Variants in NEGR1 observed in about 807,000 individuals in gnomAD.
NEGR1 encodes IgLON family member 4.
NEGR1 carries 10 observed loss-of-function variants against 40.9 expected under a neutral mutation model. The ratio of observed to expected loss-of-function variants is 0.24; its 90% confidence interval spans 0.15 to 0.42. NEGR1 has a LOEUF of 0.42. Ranked by LOEUF, NEGR1 falls within the 10% of genes least tolerant of loss-of-function variation. The pLI, the probability that NEGR1 is intolerant of heterozygous loss-of-function variation, is 1.00. For synonymous variants in NEGR1, 185 were observed against 166.8 expected (o/e 1.11, Z -0.84); for missense variants, 352 against 438.9 (o/e 0.80, Z 1.77).
intron 6 of NEGR1, among the ~76,000 whole-genome samples, chr1:71,551,101 G>A (rs533860384): frequency 1.9e-4 from 29 of 151,454 alleles, no homozygotes; most frequent in African/African-American, 6.3e-4. Flanking sequence ...ATATTCCATC[G>A]GGATTGCCAG....
At chr1:72,143,636 C>T (rs976188233) in intron 1 of NEGR1, among the ~76,000 whole-genome samples, 14 of 151,072 alleles carry the variant, frequency 9.3e-5, no homozygotes, top group South Asian at 6.2e-4. Context: ...GCAGTTGGTG[C>T]ATCTCATGAT....
chr1:71,958,926 G>A (rs974635040), intron 1 of NEGR1, among the ~76,000 whole-genome samples: 1 of 147,500 alleles, frequency 6.8e-6, no homozygotes, highest in Non-Finnish European at 1.5e-5. Context: ...CTGCACTCCA[G>A]CCTGGGCAAG....
At chr1:71,671,893 C>CTTTTTT (rs10708807) in intron 4 of NEGR1, among the ~76,000 whole-genome samples, 4 of 121,586 alleles carry the variant, frequency 3.3e-5, no homozygotes, top group African/African-American at 2.9e-5. Context: ...CTCTCTCTCT[C>CTTTTTT]TTTTTTTTTT....
rs139951660 is a variant in NEGR1, at chr1:71,938,134, GA to G, written c.177-2824del. Among the ~76,000 whole-genome samples, 101 of 150,760 alleles carry G rather than the reference GA, an allele frequency of 6.7e-4. 1 individual carries two copies. Among genetic ancestry groups the G allele is most frequent in the African/African-American group, 1.9e-3 (78 of 41,206 alleles). On this transcript the variant is annotated intron_variant, in intron 1 of 6. Transcript: ENST00000357731. ...TAGTAATACTCTTGAATGACAATCA[GA>G]AAAAAAAATATTTTCCTTTTGGAAA...
intron 4 of NEGR1, among the ~76,000 whole-genome samples, chr1:71,676,643 T>C (rs1652646718): frequency 6.6e-6 from 1 of 152,218 alleles, no homozygotes; most frequent in Non-Finnish European, 1.5e-5. Flanking sequence ...CTAACCATTA[T>C]CTCTTCTCAA....
At chr1:71,674,533 T>C (rs1652547456) in intron 4 of NEGR1, among the ~76,000 whole-genome samples, 1 of 152,046 alleles carries the variant, frequency 6.6e-6, no homozygotes, top group Non-Finnish European at 1.5e-5. Context: ...GTAGTGAATA[T>C]TTTCATAATC....
At chr1:72,062,973 G>A (rs1271531928) in intron 1 of NEGR1, among the ~76,000 whole-genome samples, 1 of 151,850 alleles carries the variant, frequency 6.6e-6, no homozygotes, top group Non-Finnish European at 1.5e-5. Context: ...TAAATCAATG[G>A]CACTAAAACT....
At chr1:71,714,348 T>C (rs1002107016) in intron 3 of NEGR1, among the ~76,000 whole-genome samples, 3 of 152,070 alleles carry the variant, frequency 2.0e-5, no homozygotes, top group African/African-American at 7.2e-5. Flanking sequence ...GAGCCAAACT[T>C]TATCATTCTG....
intron 1 of NEGR1, among the ~76,000 whole-genome samples, chr1:72,258,300 T>C (rs1475491416): frequency 6.6e-6 from 1 of 152,184 alleles, no homozygotes; most frequent in Non-Finnish European, 1.5e-5. Flanking sequence ...ATCCCACAAC[T>C]AAGAATTATA....
At chr1:72,094,809 G>T (rs1465644390) in intron 1 of NEGR1, among the ~76,000 whole-genome samples, 2 of 152,170 alleles carry the variant, frequency 1.3e-5, no homozygotes, top group Non-Finnish European at 2.9e-5. Flanking sequence ...TAATTACAGT[G>T]AGTGGACCAA....
intron 1 of NEGR1, among the ~76,000 whole-genome samples, chr1:72,044,057 A>AC (rs961399710): frequency 5.3e-5 from 8 of 151,704 alleles, no homozygotes; most frequent in East Asian, 1.9e-4. Flanking sequence ...TGTTGTAAAG[A>AC]CCCCCCCATA....
At chr1:72,081,456 C>T (rs1027414816) in intron 1 of NEGR1, among the ~76,000 whole-genome samples, 1 of 152,102 alleles carries the variant, frequency 6.6e-6, no homozygotes, top group Non-Finnish European at 1.5e-5. Context: ...TTACAGATGA[C>T]TTTCAGTTAC....
Position 71,672,893 on chromosome 1 carries a change from G to A in NEGR1, c.667+25115C>T, listed in dbSNP as rs182270893. Among the ~76,000 whole-genome samples the A allele has an allele frequency of 2.0e-5, 3 of 152,206 alleles. No homozygotes were observed. In the East Asian group the frequency reaches 5.8e-4, roughly 29 times the overall value. ...AGCACACAACACCTAACGGCTTGGC[G>A]GGATGTTGAGGACATTGTGGGATTT... is the stretch of plus-strand genomic sequence containing the variant. On this transcript the variant is annotated intron_variant, in intron 4 of 6. Transcript: ENST00000357731.
intron 4 of NEGR1, among the ~76,000 whole-genome samples, chr1:71,617,050 G>T (rs1650468275): frequency 6.6e-6 from 1 of 152,110 alleles, no homozygotes; most frequent in African/African-American, 2.4e-5. Flanking sequence ...CAAGACTTTG[G>T]AGTTTTTCAA....
chr1:72,132,838 T>C (rs1442578313), intron 1 of NEGR1, among the ~76,000 whole-genome samples: 1 of 152,166 alleles, frequency 6.6e-6, no homozygotes, highest in East Asian at 1.9e-4. Flanking sequence ...TAAAGATATA[T>C]TAGTAAAGTT....
chr1:71,832,708 A>G (rs563121656), intron 2 of NEGR1, among the ~76,000 whole-genome samples: 126 of 152,182 alleles, frequency 8.3e-4, no homozygotes, highest in African/African-American at 2.9e-3. Flanking sequence ...GTGGAGAAAT[A>G]ACAACTTTAA....
At chr1:72,264,114 C>T (rs1655558621) in intron 1 of NEGR1, among the ~76,000 whole-genome samples, 1 of 151,374 alleles carries the variant, frequency 6.6e-6, no homozygotes, top group African/African-American at 2.4e-5. Flanking sequence ...GAAATAAAAT[C>T]TGTAACTCTG....
At chr1:71,842,337 A>C (rs1474793266) in intron 2 of NEGR1, among the ~76,000 whole-genome samples, 1 of 152,068 alleles carries the variant, frequency 6.6e-6, no homozygotes, top group Non-Finnish European at 1.5e-5. Context: ...TAATTTTTAG[A>C]TTCATCATGC....
At chr1:71,453,555 G>A (rs1022399402) in intron 6 of NEGR1, among the ~76,000 whole-genome samples, 14 of 152,026 alleles carry the variant, frequency 9.2e-5, no homozygotes, top group African/African-American at 3.4e-4. Context: ...ATGCCAAGAC[G>A]GGCGAGAAAT....
Sources: gnomAD v4.1 joint callset for allele counts (sites outside exome capture counted in the v4.1 genomes callset) on GRCh38, gnomAD v4.1.1 for gene constraint, MANE v1.5 for transcripts, NCBI Gene and HGNC (gene_info 2026-07-23, HGNC 2026-07-21) for gene names.